The following CNNM4 variants were observed in gnomAD, a reference collection of about 807,000 sequenced individuals.
The protein encoded by CNNM4 is metal transporter CNNM4.
Under a neutral mutation model 53.7 loss-of-function variants are expected in CNNM4, and 32 were observed. That is an observed-to-expected ratio of 0.60 (90% CI 0.45 to 0.80). The LOEUF is 0.80. Among genes scored for constraint, CNNM4 ranks in the 30% least tolerant of loss-of-function variants. The pLI, the probability that CNNM4 is intolerant of heterozygous loss-of-function variation, is 0.00. For missense variants in CNNM4, 784 were observed against 1,022.0 expected (o/e 0.77, Z 3.17); for synonymous variants, 410 against 440.0 (o/e 0.93, Z 0.85).
At chr2:96,783,769 A>G (rs1558987295) in intron 1 of CNNM4, among the ~76,000 whole-genome samples, 1 of 152,230 alleles carries the variant, frequency 6.6e-6, no homozygotes, top group Non-Finnish European at 1.5e-5. Flanking sequence ...GGGAGAAGGC[A>G]CAATTTAAGA....
chr2:96,761,438 C>T lies in CNNM4; in HGVS notation c.439C>T (p.Leu147=). 5.0e-6 allele frequency: 8 copies of T among 1,614,132 alleles called. No individual in the cohort carries two copies. The highest frequency in any genetic ancestry group is 6.8e-6 in the Non-Finnish European group (8 of 1,180,024). ...CCTCCGGAGGAGCGAGAGCATGAAG[C>T]TGTATGCACTGTGCACCCGGGCCCA... is the stretch of plus-strand genomic sequence containing the variant. ...KFLRRSESMK[L]YALCTRAQPD... is the part of the protein sequence containing the mutation. The change falls in exon 1 of 7, where the codon CTG becomes TTG. Residue 147 remains leucine (L), a synonymous_variant. Transcript: ENST00000377075. This position sits in a 1 kb window ranked among gnomAD's most constrained non-coding sequence, Gnocchi z 6.0.
chr2:96,797,773 G>A lies in CNNM4; in HGVS notation c.1681+126G>A, dbSNP rs1574079179. The stretch of plus-strand genomic sequence containing the variant: ...AGGTGAGGGGTGCAGAGACAACACA[G>A]CCACCCCTGGAAGGGGCCGGGTATC... On this transcript the variant is annotated intron_variant, in intron 3 of 6. Coordinates refer to ENST00000377075, the MANE Select transcript of CNNM4 (RefSeq NM_020184.4). The surrounding 1 kb of genome is among the most constrained non-coding windows in gnomAD (Gnocchi z 6.0). 1 of 1,315,484 alleles carries A rather than the reference G, an allele frequency of 7.6e-7. No individual in the cohort carries two copies. Among genetic ancestry groups the A allele is most frequent in the Non-Finnish European group, 1.1e-6 (1 of 944,068 alleles). The allele number at this position is 1,315,484 out of a possible 1,614,324, so 81.5% of individuals were successfully genotyped here. A position where few individuals can be genotyped will look rare whatever the true frequency, so the allele number is the denominator to read the frequency against.
Position 96,809,165 on chromosome 2 carries a change from C to T in CNNM4, c.2131-155C>T, listed in dbSNP as rs569368351. On this transcript the variant is annotated intron_variant, in intron 6 of 6. Transcript: ENST00000377075. ...CCCTGAGATGCTTTCTTCTCTTGTTCGTGCACCTTGTTCTTTGTAAGGGCT... is the reference window on the plus strand; with the variant it reads ...CCCTGAGATGCTTTCTTCTCTTGTTTGTGCACCTTGTTCTTTGTAAGGGCT... The T allele has an allele frequency of 1.2e-4, 178 of 1,494,572 alleles. 1 individual carries two copies. The East Asian group carries it at 4.0e-3, about 34-fold the overall frequency. 92.6% of individuals were successfully genotyped at this position (1,494,572 alleles called of 1,614,324 possible).
rs115538141 is a variant in CNNM4, at chr2:96,797,291, C to G, written c.1546+136C>G. On this transcript the variant is annotated intron_variant, in intron 2 of 6. Transcript: ENST00000377075. This position sits in a 1 kb window ranked among gnomAD's most constrained non-coding sequence, Gnocchi z 6.0. ...AGGCCCAGTGGCTGGGTGCCCTGCA[C>G]TGGCCGGGGTGAGCAGGGAGCAGGT... 4.2e-3 allele frequency: 5,818 copies of G among 1,393,540 alleles called. 224 individuals are homozygous for G. The African/African-American group carries it at 0.074, about 18-fold the overall frequency. 86.3% of individuals were successfully genotyped at this position (1,393,540 alleles called of 1,614,324 possible).
chr2:96,807,953 A>C (rs868421619), intron 5 of CNNM4, among the ~76,000 whole-genome samples: 9 of 152,070 alleles, frequency 5.9e-5, no homozygotes, highest in Non-Finnish European at 1.3e-4. Flanking sequence ...CAGTGGTGCC[A>C]GCTTGGCTCA....
intron 5 of CNNM4, among the ~76,000 whole-genome samples, chr2:96,805,421 T>TTG (rs2079193291): frequency 7.2e-6 from 1 of 138,796 alleles, no homozygotes; most frequent in Admixed American, 6.8e-5. Context: ...CTTTTCAGTT[T>TTG]TTTTTTTTTT....
Position 96,761,908 on chromosome 2 carries a change from C to T in CNNM4, c.909C>T (p.Ile303=). Residue 303 remains isoleucine, a synonymous_variant, in exon 1 of 7, where the codon ATC becomes ATT. Transcript: ENST00000377075. The surrounding 1 kb of genome is among the most constrained non-coding windows in gnomAD (Gnocchi z 6.0). ...GGCTGGCTGTGGGTGCCAACACCATCCTTCTCACCAAATTCTTTATGCTAC... is the reference window on the plus strand; with the variant it reads ...GGCTGGCTGTGGGTGCCAACACCATTCTTCTCACCAAATTCTTTATGCTAC... The part of the protein sequence containing the change: ...RHGLAVGANT[I]LLTKFFMLLT... 6.2e-7 allele frequency: 1 copy of T among 1,614,208 alleles called. No homozygotes were observed. The highest frequency in any genetic ancestry group is 8.5e-7 in the Non-Finnish European group (1 of 1,180,038).
In CNNM4 at chr2:96,809,612, T is replaced by A; in HGVS notation, c.*95T>A. 1 of 1,120,150 alleles carries A rather than the reference T, an allele frequency of 8.9e-7. No individual in the cohort carries two copies. The highest frequency in any genetic ancestry group is 1.3e-6 in the Non-Finnish European group (1 of 759,218). 69.4% of individuals were successfully genotyped at this position (1,120,150 alleles called of 1,614,324 possible). ...CCTGTTAGTCCAGAAAGGATACGGA[T>A]AGATAGCCTGTCTGACTGAACAGCC... On this transcript the variant is annotated 3_prime_UTR_variant, in exon 7 of 7. Coordinates refer to ENST00000377075, the MANE Select transcript of CNNM4 (RefSeq NM_020184.4).
chr2:96,779,531 T>C (rs2078955400), intron 1 of CNNM4, among the ~76,000 whole-genome samples: 1 of 135,364 alleles, frequency 7.4e-6, no homozygotes, highest in Non-Finnish European at 1.6e-5. Context: ...AAAAAAAAAA[T>C]CCATATGATA....
At chr2:96,771,429 A>C (rs1004241261) in intron 1 of CNNM4, among the ~76,000 whole-genome samples, 1 of 152,140 alleles carries the variant, frequency 6.6e-6, no homozygotes. Flanking sequence ...GCATGGCTGG[A>C]TGCAGTGGTT....
Position 96,761,317 on chromosome 2 carries a change from C to T in CNNM4, c.318C>T (p.Thr106=), listed in dbSNP as rs746801231. ...ATGCCGAGACCCTCCACAAGTCCACCAGCTGCCTCGAGCTCACCAAGGACC... is the reference window on the plus strand; with the variant it reads ...ATGCCGAGACCCTCCACAAGTCCACTAGCTGCCTCGAGCTCACCAAGGACC... ...VDDAETLHKS[T]SCLELTKDLV... Residue 106 remains threonine (T), a synonymous_variant, in exon 1 of 7, where the codon ACC becomes ACT. Transcript: ENST00000377075. The surrounding 1 kb of genome is among the most constrained non-coding windows in gnomAD (Gnocchi z 6.0). The T allele has an allele frequency of 3.1e-6, 5 of 1,613,962 alleles. No homozygotes were observed. The South Asian group carries it at 4.4e-5, about 14-fold the overall frequency.
chr2:96,761,558 C>G lies in CNNM4; in HGVS notation c.559C>G (p.Leu187Val), dbSNP rs2078763353. 1 of 1,614,054 alleles carries G rather than the reference C, an allele frequency of 6.2e-7. No homozygotes were observed. The highest frequency in any genetic ancestry group is 1.3e-5 in the African/African-American group (1 of 74,932). The change falls in exon 1 of 7, where the codon CTC becomes GTC. Residue 187 changes from leucine (L) to valine (V), a missense_variant. Physicochemically the swap from Leu to Val is conservative, Grantham distance 32 (BLOSUM62 1). Around this residue, in one of 3 missense-constraint regions of CNNM4, gnomAD observed 473 missense variants for 624.6 expected, o/e 0.76. Transcript: ENST00000377075. The surrounding 1 kb of genome is among the most constrained non-coding windows in gnomAD (Gnocchi z 6.0). Reference protein sequence around the residue: ...GRFLPLWLHILLITVLLVLSG... With the variant: ...GRFLPLWLHIVLITVLLVLSG... ...GTTCCTGCCTCTCTGGCTGCACATT[C>G]TCCTAATTACGGTGCTGCTGGTGCT...
chr2:96,780,096 G>C (rs911691194), intron 1 of CNNM4, among the ~76,000 whole-genome samples: 2 of 152,044 alleles, frequency 1.3e-5, no homozygotes, highest in Non-Finnish European at 2.9e-5. Flanking sequence ...CACCGCGCCT[G>C]GCCAGACTTG....
intron 1 of CNNM4, among the ~76,000 whole-genome samples, chr2:96,789,538 C>T (rs912024423): frequency 1.3e-5 from 2 of 152,154 alleles, no homozygotes; most frequent in Admixed American, 6.5e-5. Flanking sequence ...GCAAGCATGC[C>T]GCCAGGCAAA....
In CNNM4 at chr2:96,775,946, G is replaced by A. The variant is rs933784691; in HGVS notation, c.1402+13545G>A. 1.1e-4 allele frequency among the ~76,000 whole-genome samples: 17 copies of A among 151,382 alleles called. No homozygotes were observed. In the East Asian group the frequency reaches 2.5e-3, roughly 22 times the overall value. The stretch of plus-strand genomic sequence containing the variant: ...TTGCATTGTTGTCCAGGCTGGTCTC[G>A]AACTCCTGGCCTCAAACCATCTTCC... On this transcript the variant is annotated intron_variant, in intron 1 of 6. Transcript: ENST00000377075.
In CNNM4 at chr2:96,762,309, C is replaced by G. The variant is rs369248403; in HGVS notation, c.1310C>G (p.Pro437Arg). 1.9e-6 allele frequency: 3 copies of G among 1,614,152 alleles called. No individual in the cohort carries two copies. The change falls in exon 1 of 7, where the codon CCC becomes CGC. Residue 437 changes from proline to arginine, a missense_variant. Pro to Arg is a moderately radical substitution (Grantham distance 103). Coordinates refer to ENST00000377075, the MANE Select transcript of CNNM4 (RefSeq NM_020184.4). Reference protein sequence around the residue: ...LAFVDPDDCTPLKTITRFYNH... With the variant: ...LAFVDPDDCTRLKTITRFYNH... ...TTTGTGGACCCCGATGACTGCACCCCCCTCAAGACTATCACTCGCTTCTAT... is the reference window on the plus strand; with the variant it reads ...TTTGTGGACCCCGATGACTGCACCCGCCTCAAGACTATCACTCGCTTCTAT...
intron 1 of CNNM4, 77 bp from the exon 2 acceptor site, chr2:96,796,935 T>C: frequency 2.0e-6 from 3 of 1,489,976 alleles, no homozygotes; most frequent in Non-Finnish European, 2.8e-6. Context: ...ACCCTACGTC[T>C]AGAGTTAATG....
At position 96,808,730 on chromosome 2, in the gene CNNM4, G is replaced by T. The variant is rs2079230339; in HGVS notation, c.2118G>T (p.Leu706Phe). 6.2e-7 allele frequency: 1 copy of T among 1,614,158 alleles called. No individual in the cohort carries two copies. The highest frequency in any genetic ancestry group is 8.5e-7 in the Non-Finnish European group (1 of 1,180,016). The change falls in exon 6 of 7, where the codon TTG becomes TTT. Residue 706 changes from leucine to phenylalanine, a missense_variant. This residue lies in a region of CNNM4 where 307 missense variants were observed against 376.3 expected (regional missense o/e 0.82). Transcript: ENST00000377075. The surrounding 1 kb of genome is among the most constrained non-coding windows in gnomAD (Gnocchi z 4.9). The stretch of plus-strand genomic sequence containing the variant: ...TCAGCGTCCGGGCACTCGTGGACTT[G>T]CAGTACATCAAGGTGAGTGCCTCAC... ...SDFSVRALVD[L>F]QYIKITRQQY... is the part of the protein sequence containing the mutation.
At chr2:96,776,283 CT>C (rs1318820612) in intron 1 of CNNM4, among the ~76,000 whole-genome samples, 1 of 152,044 alleles carries the variant, frequency 6.6e-6, no homozygotes, top group African/African-American at 2.4e-5. Context: ...CTGCCTCGGC[CT>C]CCGAAAGTGC....
Sources: gnomAD v4.1 joint callset for allele counts (sites outside exome capture counted in the v4.1 genomes callset) on GRCh38, gnomAD v4.1.1 for gene constraint, gnomAD v4.1.1 regional missense constraint, Gnocchi (gnomAD v3.1) non-coding constraint, MANE v1.5 for transcripts, NCBI Gene and HGNC (gene_info 2026-07-23, HGNC 2026-07-21) for gene names.